PDCD11: variants seen among roughly 807,000 people sequenced by gnomAD.
The protein encoded by PDCD11 is protein RRP5 homolog.
A neutral mutation model predicts 198.9 loss-of-function variants in PDCD11; 97 were observed. That is an observed-to-expected ratio of 0.49 (90% confidence interval 0.41 to 0.58). PDCD11 has a LOEUF of 0.58. Ranked by LOEUF, PDCD11 falls within the 20% of genes least tolerant of loss-of-function variation. The pLI is 0.00. For synonymous variants in PDCD11, 893 were observed against 918.0 expected (o/e 0.97, Z 0.49); for missense variants, 2,102 against 2,312.7 (o/e 0.91, Z 1.87).
chr10:103,416,768 C>T (rs1445417476), intron 13 of PDCD11, 26 bp downstream of exon 13: 7 of 1,605,948 alleles, frequency 4.4e-6, no homozygotes, highest in Non-Finnish European at 5.1e-6. Flanking sequence ...GACAGGTCCC[C>T]TTTACCCTTG....
intron 25 of PDCD11, 59 bp from the exon 26 acceptor site, chr10:103,437,956 C>G: frequency 1.4e-6 from 2 of 1,385,156 alleles, no homozygotes; most frequent in South Asian, 2.3e-5. Flanking sequence ...AAGCTGAGAC[C>G]CTTTGCTGTT....
At chr10:103,405,939 C>T in intron 5 of PDCD11, 46 bp from the exon 6 acceptor site, 1 of 1,603,000 alleles carries the variant, frequency 6.2e-7, no homozygotes. Flanking sequence ...GTGTGTGTCC[C>T]ATTACCTTTG....
intron 21 of PDCD11, among the ~76,000 whole-genome samples, chr10:103,431,310 G>A (rs978138798): frequency 6.6e-6 from 1 of 152,060 alleles, no homozygotes; most frequent in African/African-American, 2.4e-5. Context: ...AAAATCAAAG[G>A]CTGAGTGCCG....
chr10:103,436,153 T>C (rs2032145909), intron 25 of PDCD11, among the ~76,000 whole-genome samples: 2 of 151,936 alleles, frequency 1.3e-5, no homozygotes, highest in African/African-American at 4.8e-5. Flanking sequence ...CAGGCTGGAG[T>C]GCAGTGGCGC....
chr10:103,440,988 G>C (rs1332851392), intron 30 of PDCD11, 138 bp downstream of exon 30: 1 of 618,168 alleles, frequency 1.6e-6, no homozygotes, highest in African/African-American at 1.9e-5. Flanking sequence ...TTGACCGTCA[G>C]CTCCTTGAGG....
In PDCD11 at chr10:103,434,908, A is replaced by G. The variant is rs1564774984; in HGVS notation, c.3778A>G (p.Ile1260Val). 2 of 1,611,152 alleles carry G rather than the reference A, an allele frequency of 1.2e-6. No homozygotes were observed. Among genetic ancestry groups the G allele is most frequent in the Non-Finnish European group, 1.7e-6 (2 of 1,178,766 alleles). Residue 1260 changes from isoleucine to valine, a missense_variant, in exon 25 of 36, where the codon ATA (isoleucine) becomes GTA (valine). Ile to Val is a conservative substitution (Grantham distance 29). Transcript: ENST00000369797. ...CTTTGGGAAGATAGGAACAGTCAGT[A>G]TATTTCACATGAGTGACTCCTACTC... ...FPFGKIGTVS[I>V]FHMSDSYSET...
chr10:103,444,401 C>A, intron 34 of PDCD11, 116 bp from the exon 35 acceptor site: 1 of 1,038,902 alleles, frequency 9.6e-7, no homozygotes, highest in Non-Finnish European at 1.4e-6. Flanking sequence ...CTTGTCACAA[C>A]CTGAGTCTTG....
intron 7 of PDCD11, among the ~76,000 whole-genome samples, chr10:103,408,097 A>G (rs1422981414): frequency 6.6e-6 from 1 of 151,976 alleles, no homozygotes; most frequent in African/African-American, 2.4e-5. Context: ...TTCTCTTCCT[A>G]TCAGTATTTT....
intron 21 of PDCD11, among the ~76,000 whole-genome samples, chr10:103,431,370 C>T (rs576517347): frequency 1.3e-4 from 20 of 152,106 alleles, no homozygotes; most frequent in African/African-American, 4.3e-4. Flanking sequence ...GCCAGTGGAT[C>T]ACTTGAGGTC....
intron 7 of PDCD11, among the ~76,000 whole-genome samples, chr10:103,408,599 G>A (rs1299585611): frequency 6.6e-6 from 1 of 151,972 alleles, no homozygotes; most frequent in African/African-American, 2.4e-5. Flanking sequence ...GGAGTGCAGT[G>A]GCATGATCTC....
rs140340054 is a variant in PDCD11 at position 103,442,425 on chromosome 10, C to T, written c.4920C>T (p.Ala1640=). The T allele has an allele frequency of 3.0e-4, 478 of 1,614,128 alleles. 2 individuals are homozygous for T. The East Asian group carries it at 0.01, about 35-fold the overall frequency. Residue 1640 remains alanine, a synonymous_variant, in exon 32 of 36, where the codon GCC becomes GCT. Transcript: ENST00000369797. ...CCACGGAGATCGAGAAGGCCCGTGCCGTGGCTGAGAGGGCCCTTAAGACCA... is the reference window on the plus strand; with the variant it reads ...CCACGGAGATCGAGAAGGCCCGTGCTGTGGCTGAGAGGGCCCTTAAGACCA... ...LQATEIEKAR[A]VAERALKTIS...
chr10:103,434,160 G>C, intron 23 of PDCD11, 88 bp from the exon 24 acceptor site: 1 of 1,194,678 alleles, frequency 8.4e-7, no homozygotes, highest in Non-Finnish European at 1.2e-6. Context: ...TGCTTTGGGA[G>C]ATACTTGCTT....
intron 9 of PDCD11, among the ~76,000 whole-genome samples, chr10:103,413,689 G>T (rs376896206): frequency 2.0e-5 from 3 of 152,158 alleles, no homozygotes; most frequent in Non-Finnish European, 4.4e-5. Context: ...TAGACAGTAC[G>T]TAAATGAACA....
intron 22 of PDCD11, 45 bp from the exon 23 acceptor site, chr10:103,433,903 C>T (rs2032038623): frequency 6.9e-7 from 1 of 1,444,406 alleles, no homozygotes; most frequent in East Asian, 2.3e-5. Flanking sequence ...GGCGGGAAAC[C>T]TTGTATTTGT....
intron 1 of PDCD11, 97 bp from the exon 2 acceptor site, chr10:103,398,319 T>C: frequency 4.0e-6 from 3 of 746,894 alleles, no homozygotes; most frequent in Non-Finnish European, 7.2e-6. Context: ...TTGTCTAGCA[T>C]ATTGCTGGAA....
At chr10:103,415,610 G>T (rs2031063412) in intron 12 of PDCD11, among the ~76,000 whole-genome samples, 1 of 152,208 alleles carries the variant, frequency 6.6e-6, no homozygotes, top group Non-Finnish European at 1.5e-5. Context: ...TTGCGGGTGG[G>T]GAAATTAAAG....
chr10:103,403,260 A>T lies in PDCD11; in HGVS notation c.377A>T (p.Gln126Leu), dbSNP rs1185350112. 1.2e-6 allele frequency: 2 copies of T among 1,614,170 alleles called. No homozygotes were observed. The highest frequency in any genetic ancestry group is 1.1e-5 in the South Asian group (1 of 91,078). ...GCCTACACCAAAAAGCTGAATGAGC[A>T]GGTGACACAAGAACAACCTCTGAAG... The part of the protein sequence containing the change: ...CDAYTKKLNE[Q>L]VTQEQPLKDL... Residue 126 changes from glutamine to leucine, a missense_variant, in exon 4 of 36, where the codon CAG (glutamine) becomes CTG (leucine). Transcript: ENST00000369797.
intron 32 of PDCD11, 99 bp downstream of exon 32, chr10:103,442,559 T>C (rs1400176489): frequency 2.4e-5 from 34 of 1,413,856 alleles, no homozygotes; most frequent in Non-Finnish European, 3.2e-5. Context: ...GCCGGCAGCA[T>C]TTTGGGTGGC....
At chr10:103,415,266 G>A in intron 12 of PDCD11, 115 bp downstream of exon 12, 2 of 1,026,868 alleles carry the variant, frequency 1.9e-6, no homozygotes, top group Non-Finnish European at 2.9e-6. Context: ...AGTGTGTCTT[G>A]TGCTGTACCT....
Sources: gnomAD v4.1 joint callset for allele counts (sites outside exome capture counted in the v4.1 genomes callset) on GRCh38, gnomAD v4.1.1 for gene constraint, MANE v1.5 for transcripts, NCBI Gene and HGNC (gene_info 2026-07-23, HGNC 2026-07-21) for gene names.